Variants in PLXNA2 observed in about 807,000 individuals in gnomAD.
PLXNA2 encodes the protein plexin A2.
PLXNA2 carries 91 observed loss-of-function variants against 193.5 expected under a neutral mutation model. That is an observed-to-expected ratio of 0.47 (90% CI 0.40 to 0.56). The LOEUF is 0.56. Among genes scored for constraint, PLXNA2 ranks in the 20% least tolerant of loss-of-function variants. PLXNA2 has a pLI of 0.00. For synonymous variants in PLXNA2, 997 were observed against 1,027.3 expected (o/e 0.97, Z 0.56); for missense variants, 1,995 against 2,503.2 (o/e 0.80, Z 4.33).
intron 7 of PLXNA2, 84 bp downstream of exon 7, chr1:208,096,646 C>A: frequency 1.3e-6 from 2 of 1,483,734 alleles, no homozygotes; most frequent in South Asian, 1.2e-5. Flanking sequence ...TATAAGAAGA[C>A]TGTGTGCCTA....
intron 9 of PLXNA2, among the ~76,000 whole-genome samples, chr1:208,086,396 T>C (rs1223796737): frequency 6.6e-6 from 1 of 152,122 alleles, no homozygotes; most frequent in Non-Finnish European, 1.5e-5. Flanking sequence ...GAGAAGGCAT[T>C]TGGTTCTCAA....
At position 208,142,398 on chromosome 1, in the gene PLXNA2, T is replaced by G; in HGVS notation, c.1437A>C (p.Gly479=). ...QYEMVSVLKD[G]SPILRDMAFS... Reference sequence around the variant, plus strand: ...AGGCCATGTCCCGGAGGATGGGGCTTCCGTCCTTGAGCACAGAGACCATCT... The same window carrying G: ...AGGCCATGTCCCGGAGGATGGGGCTGCCGTCCTTGAGCACAGAGACCATCT... Residue 479 remains glycine, a synonymous_variant, in exon 4 of 32, where the codon GGA becomes GGC. Transcript: ENST00000367033. 1 of 1,613,974 alleles carries G rather than the reference T, an allele frequency of 6.2e-7. No homozygotes were observed. The highest frequency in any genetic ancestry group is 8.5e-7 in the Non-Finnish European group (1 of 1,179,926).
intron 3 of PLXNA2, among the ~76,000 whole-genome samples, chr1:208,189,607 G>A (rs1248829135): frequency 6.6e-6 from 1 of 152,070 alleles, no homozygotes; most frequent in Non-Finnish European, 1.5e-5. Context: ...TGCACTAAAA[G>A]ATGAACACAA....
intron 4 of PLXNA2, among the ~76,000 whole-genome samples, chr1:208,133,120 A>G (rs1367764742): frequency 6.6e-6 from 1 of 152,200 alleles, no homozygotes; most frequent in Non-Finnish European, 1.5e-5. Flanking sequence ...ATCTCTGGAT[A>G]AACCAGCTCT....
intron 1 of PLXNA2, among the ~76,000 whole-genome samples, chr1:208,232,877 A>G (rs1287373514): frequency 6.6e-6 from 1 of 152,232 alleles, no homozygotes; most frequent in African/African-American, 2.4e-5. Flanking sequence ...ACTCCACTTC[A>G]TAACACAGCC....
chr1:208,052,241 G>A (rs1665287271), intron 15 of PLXNA2, 86 bp downstream of exon 15: 1 of 1,353,818 alleles, frequency 7.4e-7, no homozygotes, highest in Non-Finnish European at 1.0e-6. Flanking sequence ...GATGGGGCAG[G>A]CCTATGAATG....
chr1:208,222,719 G>A (rs573720012), intron 1 of PLXNA2, among the ~76,000 whole-genome samples: 37 of 152,352 alleles, frequency 2.4e-4, no homozygotes, highest in Non-Finnish European at 7.3e-5. Flanking sequence ...CTTTTCAGGA[G>A]ATCTGGGTGC....
chr1:208,232,025 T>G (rs1422045459), intron 1 of PLXNA2, among the ~76,000 whole-genome samples: 2 of 152,212 alleles, frequency 1.3e-5, no homozygotes, highest in African/African-American at 2.4e-5. Context: ...GTTGAATTCT[T>G]GGGCCCTGTG....
intron 3 of PLXNA2, among the ~76,000 whole-genome samples, chr1:208,173,210 G>A (rs1458295279): frequency 6.6e-6 from 1 of 152,200 alleles, no homozygotes; most frequent in Non-Finnish European, 1.5e-5. Flanking sequence ...ACTTGGAACA[G>A]TAGATGGCAC....
intron 20 of PLXNA2, among the ~76,000 whole-genome samples, chr1:208,043,956 G>A (rs1045609140): frequency 4.6e-5 from 7 of 152,230 alleles, no homozygotes; most frequent in African/African-American, 7.2e-5. Flanking sequence ...CTGTGGTTGC[G>A]TGGGACATGG....
rs34577290 is a variant in PLXNA2 at position 208,026,652 on chromosome 1, C to CTTT, written c.*588_*590dup. Reference sequence around the variant, plus strand: ...TCATCATTCTTCTTCTCCTCTTTCTCTTTTTTTTTTTTTTTTTAATTTCAA... The same window carrying CTTT: ...TCATCATTCTTCTTCTCCTCTTTCTCTTTTTTTTTTTTTTTTTTTTAATTTCAA... On this transcript the variant is annotated 3_prime_UTR_variant, in exon 32 of 32. Coordinates refer to ENST00000367033, the MANE Select transcript of PLXNA2 (RefSeq NM_025179.4). 0.025 allele frequency: 3,571 copies of CTTT among 140,724 alleles called. 113 individuals are homozygous for CTTT. The highest frequency in any genetic ancestry group is 0.099 in the East Asian group (459 of 4,626). 8.7% of individuals were successfully genotyped at this position (140,724 alleles called of 1,614,324 possible).
chr1:208,034,234 G>C (rs1362733894), intron 27 of PLXNA2, among the ~76,000 whole-genome samples: 3 of 152,232 alleles, frequency 2.0e-5, no homozygotes, highest in Admixed American at 6.5e-5. Flanking sequence ...GTGCCTTCCT[G>C]GTTCTGGGCC....
rs79100191 is a variant in PLXNA2, at chr1:208,183,930, C to T, written c.1371+26350G>A. Among the ~76,000 whole-genome samples, 20 of 152,242 alleles carry T rather than the reference C, an allele frequency of 1.3e-4. No homozygotes were observed. In the East Asian group the frequency reaches 3.5e-3, roughly 26 times the overall value. On this transcript the variant is annotated intron_variant, in intron 3 of 31. Transcript: ENST00000367033. Reference sequence around the variant, plus strand: ...CACTAGCCACAGGTAGCTATTTATCCTTATATTAATTAAAATTAAGTAAAA... The same window carrying T: ...CACTAGCCACAGGTAGCTATTTATCTTTATATTAATTAAAATTAAGTAAAA...
At chr1:208,218,276 G>A (rs1005609012) in intron 1 of PLXNA2, among the ~76,000 whole-genome samples, 4 of 152,050 alleles carry the variant, frequency 2.6e-5, no homozygotes, top group African/African-American at 9.6e-5. Context: ...TTAAGCCATC[G>A]TTTTCATCTC....
intron 9 of PLXNA2, among the ~76,000 whole-genome samples, chr1:208,091,262 T>C (rs1666697812): frequency 6.6e-6 from 1 of 152,186 alleles, no homozygotes; most frequent in South Asian, 2.1e-4. Flanking sequence ...ACACCTGTTG[T>C]TTCATAAACT....
intron 6 of PLXNA2, among the ~76,000 whole-genome samples, chr1:208,097,567 G>A (rs966435156): frequency 3.9e-5 from 6 of 152,096 alleles, no homozygotes; most frequent in East Asian, 1.9e-4. Context: ...CTAGGCCAGC[G>A]GTTTTCAGCT....
intron 13 of PLXNA2, among the ~76,000 whole-genome samples, chr1:208,055,216 C>T (rs554028957): frequency 1.3e-5 from 2 of 152,214 alleles, no homozygotes; most frequent in East Asian, 1.9e-4. Context: ...GACAGTGACA[C>T]GGCCCTGAGC....
At chr1:208,168,155 C>A (rs895237) in intron 3 of PLXNA2, among the ~76,000 whole-genome samples, 86,814 of 152,066 alleles carry the variant, frequency 0.57, 25,574 homozygotes, top group East Asian at 0.99. Flanking sequence ...ATACCTACAC[C>A]ATTGGTGAGA....
Position 208,103,216 on chromosome 1 carries a change from T to C in PLXNA2, c.1538A>G (p.Gln513Arg), listed in dbSNP as rs1482127336. 6.2e-7 allele frequency: 1 copy of C among 1,614,088 alleles called. No homozygotes were observed. Among genetic ancestry groups the C allele is most frequent in the African/African-American group, 1.3e-5 (1 of 75,062 alleles). Residue 513 changes from glutamine to arginine, a missense_variant, in exon 5 of 32, where the codon CAG becomes CGG. Gln to Arg is a conservative substitution (Grantham distance 43). This residue lies in a region of PLXNA2 where 702 missense variants were observed against 812.9 expected (regional missense o/e 0.86). Coordinates refer to ENST00000367033, the MANE Select transcript of PLXNA2 (RefSeq NM_025179.4). ...VTRVPVESCE[Q>R]YTTCGECLSS... is the part of the protein sequence containing the mutation. The stretch of plus-strand genomic sequence containing the variant: ...CAGGCACTCCCCACAAGTCGTATAC[T>C]GCTCACATGACTCCACGGGGACCCT...
Sources: allele counts gnomAD v4.1 joint callset (sites outside exome capture counted in the v4.1 genomes callset), GRCh38; gene constraint gnomAD v4.1.1; regional missense constraint gnomAD v4.1.1; transcripts MANE v1.5; gene names NCBI Gene and HGNC (gene_info 2026-07-23, HGNC 2026-07-21).